Variants in ANO2 observed in about 807,000 individuals in gnomAD.
The protein encoded by ANO2 is anoctamin 2, also known as anoctamin-2.
ANO2 carries 101 observed loss-of-function variants against 124.2 expected under a neutral mutation model. The observed-to-expected ratio is 0.81, with a 90% CI of 0.69 to 0.96. The LOEUF is 0.96. Ranked by LOEUF, ANO2 falls within the 40% of genes least tolerant of loss-of-function variation. ANO2 has a pLI of 0.00. For synonymous variants in ANO2, 486 were observed against 482.5 expected (o/e 1.01, Z -0.09); for missense variants, 1,293 against 1,274.5 (o/e 1.01, Z -0.22).
At chr12:5,828,003 A>C (rs1343169990) in intron 6 of ANO2, among the ~76,000 whole-genome samples, 183 bp from the exon 7 acceptor site, 1 of 152,186 alleles carries the variant, frequency 6.6e-6, no homozygotes, top group South Asian at 2.1e-4. Flanking sequence ...GAGGACTTTG[A>C]GGAAACAAGG....
intron 19 of ANO2, among the ~76,000 whole-genome samples, chr12:5,603,182 G>A (rs185217181): frequency 3.9e-5 from 6 of 152,232 alleles, no homozygotes; most frequent in Admixed American, 1.3e-4. Flanking sequence ...TGGTTTGCCC[G>A]GGAGAACAGA....
intron 7 of ANO2, among the ~76,000 whole-genome samples, chr12:5,812,084 A>G (rs946741725): frequency 1.5e-4 from 20 of 132,098 alleles, no homozygotes; most frequent in Admixed American, 1.4e-3. Context: ...AGGGGAGAGG[A>G]AGGGATGGGA....
At chr12:5,894,517 G>C (rs189841343) in intron 3 of ANO2, among the ~76,000 whole-genome samples, 43 of 152,228 alleles carry the variant, frequency 2.8e-4, no homozygotes, top group Non-Finnish European at 4.9e-4. Flanking sequence ...GTCAATTCTG[G>C]CTTTTGTGGC....
Position 5,900,192 on chromosome 12 carries a change from G to C in ANO2, c.534+20848C>G, listed in dbSNP as rs7963670. Among the ~76,000 whole-genome samples, 92 of 152,226 alleles carry C rather than the reference G, an allele frequency of 6.0e-4. No individual in the cohort carries two copies. Among genetic ancestry groups the C allele is most frequent in the African/African-American group, 2.2e-3 (90 of 41,528 alleles). On this transcript the variant is annotated intron_variant, in intron 3 of 24. Transcript: ENST00000682330. This position sits in a 1 kb window ranked among gnomAD's most constrained non-coding sequence, Gnocchi z 4.2. ...CAGCCCTGGATTTCAATGTAATCAC[G>C]GACAACCAAGAGCCCTGAGAGGATG...
chr12:5,794,857 G>T (rs1413895717), intron 10 of ANO2, among the ~76,000 whole-genome samples: 1 of 152,212 alleles, frequency 6.6e-6, no homozygotes, highest in Non-Finnish European at 1.5e-5. Flanking sequence ...AAATCAAGGA[G>T]AAAGCAGCAG....
At chr12:5,743,144 C>T (rs143043845) in intron 12 of ANO2, among the ~76,000 whole-genome samples, 110 of 152,144 alleles carry the variant, frequency 7.2e-4, no homozygotes, top group African/African-American at 2.0e-3. Flanking sequence ...TAAGAACCAC[C>T]GAGAACAGGC....
At chr12:5,606,639 G>A (rs925221714) in intron 19 of ANO2, among the ~76,000 whole-genome samples, 1 of 152,120 alleles carries the variant, frequency 6.6e-6, no homozygotes, top group Non-Finnish European at 1.5e-5. Context: ...TAGGTAATGG[G>A]GGGAAATTTA....
intron 14 of ANO2, among the ~76,000 whole-genome samples, chr12:5,685,547 G>A (rs1037790741): frequency 9.9e-5 from 15 of 152,232 alleles, no homozygotes; most frequent in Admixed American, 9.8e-4. Flanking sequence ...CATTTGGGAG[G>A]CAGAGGCTGG....
chr12:5,900,412 G>A lies in ANO2; in HGVS notation c.534+20628C>T, dbSNP rs893276686. 3.9e-5 allele frequency among the ~76,000 whole-genome samples: 6 copies of A among 152,120 alleles called. No homozygotes were observed. Among genetic ancestry groups the A allele is most frequent in the African/African-American group, 1.2e-4 (5 of 41,408 alleles). On this transcript the variant is annotated intron_variant, in intron 3 of 24. Coordinates refer to ENST00000682330, the MANE Select transcript of ANO2 (RefSeq NM_001364791.2). The surrounding 1 kb of genome is among the most constrained non-coding windows in gnomAD (Gnocchi z 4.2). ...GTTTAGCACCCATCTAGAGGGCAGA[G>A]GACAATTTAAAAATGCATTTGTGAA...
At chr12:5,592,955 G>A (rs1419387600) in intron 20 of ANO2, among the ~76,000 whole-genome samples, 1 of 152,184 alleles carries the variant, frequency 6.6e-6, no homozygotes, top group East Asian at 1.9e-4. Context: ...GTCTCCGAGA[G>A]GAACCTGCCC....
intron 14 of ANO2, 54 bp from the exon 15 acceptor site, chr12:5,647,855 A>C: frequency 1.5e-6 from 2 of 1,348,640 alleles, no homozygotes; most frequent in Non-Finnish European, 2.1e-6. Flanking sequence ...AACAGATATT[A>C]ATTTGCTCTC....
intron 14 of ANO2, among the ~76,000 whole-genome samples, chr12:5,660,170 T>C (rs1425722283): frequency 6.6e-6 from 1 of 152,158 alleles, no homozygotes; most frequent in Admixed American, 6.5e-5. Flanking sequence ...TTCTGACTTA[T>C]GACAGGTTTA....
rs181731708 is a variant in ANO2 at position 5,640,567 on chromosome 12, T to C, written c.1621-5220A>G. Among the ~76,000 whole-genome samples the C allele has an allele frequency of 3.8e-3, 579 of 152,240 alleles. 1 individual carries two copies. The highest frequency in any genetic ancestry group is 0.012 in the African/African-American group (491 of 41,530). On this transcript the variant is annotated intron_variant, in intron 15 of 24. Transcript: ENST00000682330. ...ACCCCATCAAAAAGGGTGCAAAGGA[T>C]ATGAACAGACACTTCTCAAAAGAAG...
At chr12:5,765,952 G>A (rs1234289392) in intron 10 of ANO2, among the ~76,000 whole-genome samples, 5 of 152,154 alleles carry the variant, frequency 3.3e-5, no homozygotes, top group African/African-American at 1.2e-4. Context: ...AATAGCCAAA[G>A]TGCTCAACTC....
chr12:5,758,814 C>A (rs974340096), intron 10 of ANO2, among the ~76,000 whole-genome samples: 1 of 152,174 alleles, frequency 6.6e-6, no homozygotes, highest in East Asian at 1.9e-4. Context: ...ATTTTATACA[C>A]AATGTATGGC....
chr12:5,723,054 G>T (rs1950296492), intron 14 of ANO2, among the ~76,000 whole-genome samples: 1 of 152,202 alleles, frequency 6.6e-6, no homozygotes, highest in African/African-American at 2.4e-5. Flanking sequence ...GGTACACTGT[G>T]GATGAGCGCT....
intron 19 of ANO2, among the ~76,000 whole-genome samples, chr12:5,602,718 G>A (rs945654824): frequency 8.6e-5 from 13 of 152,040 alleles, no homozygotes; most frequent in Admixed American, 3.9e-4. Context: ...AAAACATATC[G>A]TCATGAGATT....
intron 24 of ANO2, chr12:5,564,619 A>C (rs1035510810): frequency 1.3e-5 from 2 of 152,160 alleles, no homozygotes; most frequent in Non-Finnish European, 2.9e-5. Flanking sequence ...GAGCTGCTTC[A>C]CCAAGTCACA....
At chr12:5,653,126 G>C (rs1261444658) in intron 14 of ANO2, among the ~76,000 whole-genome samples, 1 of 152,236 alleles carries the variant, frequency 6.6e-6, no homozygotes, top group Non-Finnish European at 1.5e-5. Context: ...CAGGACTGGA[G>C]TGGAACTGGA....
Sources: allele counts gnomAD v4.1 joint callset (sites outside exome capture counted in the v4.1 genomes callset), GRCh38; gene constraint gnomAD v4.1.1; non-coding constraint Gnocchi (gnomAD v3.1); transcripts MANE v1.5; gene names NCBI Gene and HGNC (gene_info 2026-07-23, HGNC 2026-07-21).